CCSAP: variants seen among roughly 807,000 people sequenced by gnomAD.
The protein encoded by CCSAP is centriole, cilia and spindle associated protein, also known as centriole, cilia and spindle-associated protein.
A neutral mutation model predicts 25.9 loss-of-function variants in CCSAP; 17 were observed. The observed-to-expected ratio is 0.66, with a 90% CI of 0.45 to 0.99. CCSAP has a LOEUF of 0.99. Ranked by LOEUF, CCSAP falls within the 50% of genes least tolerant of loss-of-function variation. CCSAP has a pLI of 0.00. For missense variants in CCSAP, 339 were observed against 367.8 expected (o/e 0.92, Z 0.64); for synonymous variants, 169 against 157.1 (o/e 1.08, Z -0.57).
chr1:229,329,508 T>G (rs929536784), intron 2 of CCSAP, among the ~76,000 whole-genome samples: 1 of 152,218 alleles, frequency 6.6e-6, no homozygotes, highest in African/African-American at 2.4e-5. Flanking sequence ...TTATTTTATC[T>G]TGGAGATGAA....
rs1658335764 is a variant in CCSAP at position 229,341,590 on chromosome 1, C to T, written c.367+509G>A. On this transcript the variant is annotated intron_variant, in intron 2 of 3. Coordinates refer to ENST00000284617, the MANE Select transcript of CCSAP (RefSeq NM_145257.5). ...CAAGTTATTCAACACTCCACGTAAA[C>T]AAATGCAAAATATTCTTTAGGGACA... Among the ~76,000 whole-genome samples, 4 of 152,198 alleles carry T rather than the reference C, an allele frequency of 2.6e-5. No homozygotes were observed. In the South Asian group the frequency reaches 8.3e-4, roughly 32 times the overall value.
At chr1:229,333,224 A>C (rs553252925) in intron 2 of CCSAP, among the ~76,000 whole-genome samples, 578 of 151,886 alleles carry the variant, frequency 3.8e-3, no homozygotes, top group Non-Finnish European at 6.1e-3. Flanking sequence ...CGAGGTCAGG[A>C]GATAGAGACC....
intron 2 of CCSAP, among the ~76,000 whole-genome samples, chr1:229,341,172 C>A (rs1228768929): frequency 7.3e-6 from 1 of 136,980 alleles, no homozygotes; most frequent in Non-Finnish European, 1.5e-5. Context: ...CCAGCCTGGG[C>A]CACAGAGCGA....
rs1241073007 is a variant in CCSAP at position 229,321,705 on chromosome 1, A to C, written c.*3530T>G. 1 of 152,156 alleles carries C rather than the reference A, an allele frequency of 6.6e-6. No individual in the cohort carries two copies. Among genetic ancestry groups the C allele is most frequent in the African/African-American group, 2.4e-5 (1 of 41,430 alleles). 9.4% of individuals were successfully genotyped at this position (152,156 alleles called of 1,614,324 possible). ...TTTTTACCAAAGCAGTCAACAAGAA[A>C]AATTGTTTTACTTCTGATATATGCT... is the stretch of plus-strand genomic sequence containing the variant. On this transcript the variant is annotated 3_prime_UTR_variant, in exon 4 of 4. Transcript: ENST00000284617.
At chr1:229,335,809 C>T (rs1031457246) in intron 2 of CCSAP, among the ~76,000 whole-genome samples, 2 of 152,138 alleles carry the variant, frequency 1.3e-5, no homozygotes, top group East Asian at 1.9e-4. Flanking sequence ...CCAGGGCCAA[C>T]TTCCAGCCCA....
intron 2 of CCSAP, among the ~76,000 whole-genome samples, chr1:229,330,767 C>T (rs1264923352): frequency 6.6e-6 from 1 of 151,648 alleles, no homozygotes; most frequent in Non-Finnish European, 1.5e-5. Context: ...ATAGTGTGAA[C>T]CCGGGAGGCG....
chr1:229,338,891 A>G (rs1658264440), intron 2 of CCSAP, among the ~76,000 whole-genome samples: 1 of 152,120 alleles, frequency 6.6e-6, no homozygotes, highest in Admixed American at 6.6e-5. Context: ...CCAGAAAACA[A>G]TTCAAGAGCT....
In CCSAP at chr1:229,325,137, T is replaced by G; in HGVS notation, c.*98A>C. 1 of 1,257,066 alleles carries G rather than the reference T, an allele frequency of 8.0e-7. No homozygotes were observed. The highest frequency in any genetic ancestry group is 1.1e-6 in the Non-Finnish European group (1 of 917,708). The allele number at this position is 1,257,066 out of a possible 1,614,324, so 77.9% of individuals were successfully genotyped here. A position where few individuals can be genotyped will look rare whatever the true frequency, so the allele number is the denominator to read the frequency against. ...AAAAAACCTTGCATAATCAGTTGGTTTCTTAAACCTGTGTCCGTTTCTTTT... is the reference window on the plus strand; with the variant it reads ...AAAAAACCTTGCATAATCAGTTGGTGTCTTAAACCTGTGTCCGTTTCTTTT... On this transcript the variant is annotated 3_prime_UTR_variant, in exon 4 of 4. Transcript: ENST00000284617.
intron 2 of CCSAP, among the ~76,000 whole-genome samples, chr1:229,334,762 G>A (rs1658158088): frequency 6.6e-6 from 1 of 152,108 alleles, no homozygotes; most frequent in Non-Finnish European, 1.5e-5. Flanking sequence ...GGTTAAATAT[G>A]CACTAAAAAC....
At chr1:229,328,058 T>G (rs1337748197) in intron 2 of CCSAP, among the ~76,000 whole-genome samples, 1 of 152,212 alleles carries the variant, frequency 6.6e-6, no homozygotes, top group African/African-American at 2.4e-5. Flanking sequence ...AAAAAATATC[T>G]ATTCCACTGA....
intron 2 of CCSAP, among the ~76,000 whole-genome samples, chr1:229,331,192 C>T (rs1658059166): frequency 6.6e-6 from 1 of 151,774 alleles, no homozygotes; most frequent in South Asian, 2.1e-4. Context: ...GCTTTTCCAA[C>T]ACAAAGACCA....
chr1:229,326,907 C>T lies in CCSAP; in HGVS notation c.467G>A (p.Ser156Asn), dbSNP rs769989806. Residue 156 changes from serine (S) to asparagine (N), a missense_variant, in exon 3 of 4, where the codon AGT becomes AAT. Ser to Asn is a conservative substitution (Grantham distance 46). Coordinates refer to ENST00000284617, the MANE Select transcript of CCSAP (RefSeq NM_145257.5). ...CCTGTTTCCTCTAGCAAATAAGGCA[C>T]TTGGTTGCTGTCGAGGCTCAGTACT... is the stretch of plus-strand genomic sequence containing the variant. ...PTSTEPRQQP[S>N]ALFARGNRKA... 10 of 1,614,214 alleles carry T rather than the reference C, an allele frequency of 6.2e-6. No homozygotes were observed. The South Asian group carries it at 9.9e-5, about 16-fold the overall frequency.
In CCSAP at chr1:229,342,008, G is replaced by A; in HGVS notation, c.367+91C>T. On this transcript the variant is annotated intron_variant, in intron 2 of 3. Transcript: ENST00000284617. The surrounding 1 kb of genome is among the most constrained non-coding windows in gnomAD (Gnocchi z 7.5). ...AAAAAAAAGGAAGAGCCAGCCCCGA[G>A]TGGCGCAAGAAATAAGAGATCAGCT... 1 of 1,248,050 alleles carries A rather than the reference G, an allele frequency of 8.0e-7. No homozygotes were observed. Among genetic ancestry groups the A allele is most frequent in the Non-Finnish European group, 1.0e-6 (1 of 994,628 alleles). The allele number at this position is 1,248,050 out of a possible 1,614,324, so 77.3% of individuals were successfully genotyped here. A position where few individuals can be genotyped will look rare whatever the true frequency, so the allele number is the denominator to read the frequency against.
At chr1:229,339,242 C>T (rs931123435) in intron 2 of CCSAP, among the ~76,000 whole-genome samples, 36 of 152,062 alleles carry the variant, frequency 2.4e-4, no homozygotes, top group African/African-American at 8.7e-4. Context: ...AACATAAAGG[C>T]CAAAGAGAAG....
rs7415765 is a variant in CCSAP at position 229,342,627 on chromosome 1, G to A, written c.-48-114C>T. On this transcript the variant is annotated intron_variant, in intron 1 of 3. Coordinates refer to ENST00000284617, the MANE Select transcript of CCSAP (RefSeq NM_145257.5). The surrounding 1 kb of genome is among the most constrained non-coding windows in gnomAD (Gnocchi z 7.5). The stretch of plus-strand genomic sequence containing the variant: ...ACGGGAGCAGGGGGCGGGTCCCGGC[G>A]AGGGCGGGGAGGGGGCGGGGCGGGG... 2.1e-5 allele frequency: 9 copies of A among 421,072 alleles called. No individual in the cohort carries two copies. Among genetic ancestry groups the A allele is most frequent in the Admixed American group, 9.1e-5 (2 of 21,898 alleles). The allele number at this position is 421,072 out of a possible 1,614,324, so 26.1% of individuals were successfully genotyped here.
intron 2 of CCSAP, 136 bp downstream of exon 2, chr1:229,341,963 C>T: frequency 1.8e-6 from 2 of 1,128,046 alleles, no homozygotes; most frequent in Non-Finnish European, 2.2e-6. Flanking sequence ...TCAAGAGAGA[C>T]GGATTCTGTC....
rs1272680880 is a variant in CCSAP, at chr1:229,321,773, A to G, written c.*3462T>C. 1 of 152,230 alleles carries G rather than the reference A, an allele frequency of 6.6e-6. No individual in the cohort carries two copies. Among genetic ancestry groups the G allele is most frequent in the Admixed American group, 6.5e-5 (1 of 15,290 alleles). The allele number at this position is 152,230 out of a possible 1,614,324, so 9.4% of individuals were successfully genotyped here. On this transcript the variant is annotated 3_prime_UTR_variant, in exon 4 of 4. Coordinates refer to ENST00000284617, the MANE Select transcript of CCSAP (RefSeq NM_145257.5). ...TGCTAGTAATACTTTTGAACACTTT[A>G]AAGAAAGTACAGTCGGCCCTCTGTA...
chr1:229,323,958 C>G lies in CCSAP; in HGVS notation c.*1277G>C, dbSNP rs1413208645. 1 of 152,530 alleles carries G rather than the reference C, an allele frequency of 6.6e-6. No individual in the cohort carries two copies. Among genetic ancestry groups the G allele is most frequent in the Non-Finnish European group, 1.5e-5 (1 of 68,040 alleles). The allele number at this position is 152,530 out of a possible 1,614,324, so 9.4% of individuals were successfully genotyped here. A position where few individuals can be genotyped will look rare whatever the true frequency, so the allele number is the denominator to read the frequency against. On this transcript the variant is annotated 3_prime_UTR_variant, in exon 4 of 4. Transcript: ENST00000284617. ...ACATATCCTTCTAGCAGATTCTTGT[C>G]TCCACAGGATGGAGAAGACATCATT...
At chr1:229,333,162 G>C (rs957878347) in intron 2 of CCSAP, among the ~76,000 whole-genome samples, 1 of 152,290 alleles carries the variant, frequency 6.6e-6, no homozygotes, top group East Asian at 1.9e-4. Flanking sequence ...GCCGGGCGCG[G>C]TGGCTCACGC....
Sources: allele counts gnomAD v4.1 joint callset (sites outside exome capture counted in the v4.1 genomes callset), GRCh38; gene constraint gnomAD v4.1.1; non-coding constraint Gnocchi (gnomAD v3.1); transcripts MANE v1.5; gene names NCBI Gene and HGNC (gene_info 2026-07-23, HGNC 2026-07-21).